DNAJC1: variants seen among roughly 807,000 people sequenced by gnomAD.
DNAJC1 encodes DnaJ heat shock protein family (Hsp40) member C1.
Under a neutral mutation model 76.6 loss-of-function variants are expected in DNAJC1, and 58 were observed. That is an observed-to-expected ratio of 0.76 (90% CI 0.61 to 0.94). DNAJC1 has a LOEUF of 0.94. DNAJC1 is among the 40% of genes least tolerant of loss of function. The pLI is 0.00. For missense variants in DNAJC1, 689 were observed against 677.3 expected, an observed-to-expected ratio of 1.02 and a Z score of -0.19; for synonymous variants, 258 against 267.9, an observed-to-expected ratio of 0.96 and a Z score of 0.36.
At chr10:21,944,995 C>T (rs1837482491) in intron 1 of DNAJC1, among the ~76,000 whole-genome samples, 1 of 152,118 alleles carries the variant, frequency 6.6e-6, no homozygotes, top group African/African-American at 2.4e-5. Flanking sequence ...AGTGGAACTG[C>T]CAGTTAAGCA....
intron 1 of DNAJC1, among the ~76,000 whole-genome samples, chr10:21,969,121 G>C (rs909048711): frequency 1.5e-4 from 22 of 151,622 alleles, no homozygotes; most frequent in Admixed American, 9.9e-4. Context: ...CTACTCAGGA[G>C]GCTGAGGCAG....
intron 1 of DNAJC1, among the ~76,000 whole-genome samples, chr10:21,978,547 A>G (rs937926711): frequency 2.0e-5 from 3 of 152,174 alleles, no homozygotes; most frequent in Non-Finnish European, 4.4e-5. Flanking sequence ...GCAGTCTATC[A>G]GTTGATTACA....
At chr10:21,912,712 C>G (rs955490908) in intron 6 of DNAJC1, among the ~76,000 whole-genome samples, 13 of 152,256 alleles carry the variant, frequency 8.5e-5, no homozygotes, top group African/African-American at 3.1e-4. Flanking sequence ...AGTAGAAGGG[C>G]AGGCGACTCA....
At chr10:21,812,310 G>A (rs1398276491) in intron 8 of DNAJC1, among the ~76,000 whole-genome samples, 1 of 152,034 alleles carries the variant, frequency 6.6e-6, no homozygotes, top group Non-Finnish European at 1.5e-5. Context: ...GCCTGCCTCA[G>A]CCTCCCAAAG....
At chr10:21,833,583 C>A (rs1025037128) in intron 8 of DNAJC1, among the ~76,000 whole-genome samples, 1 of 152,164 alleles carries the variant, frequency 6.6e-6, no homozygotes, top group African/African-American at 2.4e-5. Flanking sequence ...GGAGAATTTA[C>A]CTTGCCTCTC....
chr10:21,876,671 C>A (rs181448608), intron 8 of DNAJC1, among the ~76,000 whole-genome samples: 1 of 152,026 alleles, frequency 6.6e-6, no homozygotes, highest in Non-Finnish European at 1.5e-5. Context: ...TGATTAAGAC[C>A]GTGTGGTAGT....
intron 9 of DNAJC1, among the ~76,000 whole-genome samples, chr10:21,782,656 G>C (rs988643678): frequency 2.0e-5 from 3 of 152,084 alleles, no homozygotes; most frequent in Non-Finnish European, 4.4e-5. Flanking sequence ...TCCTCAACAA[G>C]ATACTGGCAA....
intron 8 of DNAJC1, among the ~76,000 whole-genome samples, chr10:21,840,249 CA>C (rs2131678457): frequency 6.6e-6 from 1 of 152,244 alleles, no homozygotes; most frequent in Non-Finnish European, 1.5e-5. Context: ...AAGCTCTGGC[CA>C]GGGCAATCAG....
intron 8 of DNAJC1, among the ~76,000 whole-genome samples, chr10:21,829,776 A>G (rs543350476): frequency 6.6e-6 from 1 of 152,152 alleles, no homozygotes; most frequent in Non-Finnish European, 1.5e-5. Flanking sequence ...ATTATAGCCT[A>G]TTTTCATTTA....
chr10:21,898,435 T>A (rs1351861507), intron 7 of DNAJC1, among the ~76,000 whole-genome samples: 8 of 152,160 alleles, frequency 5.3e-5, no homozygotes, highest in African/African-American at 1.9e-4. Context: ...GATGCTGGTA[T>A]AAACCCACTG....
intron 1 of DNAJC1, among the ~76,000 whole-genome samples, chr10:21,949,400 AC>A (rs1167589536): frequency 2.5e-5 from 1 of 39,232 alleles, no homozygotes; most frequent in Non-Finnish European, 5.2e-5. Context: ...CCCTCCCCCC[AC>A]CCCCTTCTTC....
chr10:21,891,476 C>CAAAAAAAAAAAAAAAAAAA (rs369729722), intron 7 of DNAJC1, among the ~76,000 whole-genome samples: 16 of 38,846 alleles, frequency 4.1e-4, no homozygotes, highest in Non-Finnish European at 5.1e-4. Flanking sequence ...ACAAAGTAGA[C>CAAAAAAAAAAAAAAAAAAA]AAAAAAAAAA....
At chr10:21,977,274 A>G (rs1427726376) in intron 1 of DNAJC1, among the ~76,000 whole-genome samples, 3 of 152,168 alleles carry the variant, frequency 2.0e-5, no homozygotes, top group Non-Finnish European at 4.4e-5. Flanking sequence ...ACACACACAC[A>G]CAAAATGACT....
rs528710780 is a variant in DNAJC1, at chr10:21,793,669, G to A, written c.1098+12311C>T. On this transcript the variant is annotated intron_variant, in intron 9 of 11. Coordinates refer to ENST00000376980, the MANE Select transcript of DNAJC1 (RefSeq NM_022365.4). The stretch of plus-strand genomic sequence containing the variant: ...GTAATTAAGAAAACAATTCTGGCTG[G>A]GCGCAGTGGCTCACATCTGTAATCC... 3.3e-5 allele frequency among the ~76,000 whole-genome samples: 5 copies of A among 152,308 alleles called. No individual in the cohort carries two copies. The East Asian group carries it at 7.7e-4, about 24-fold the overall frequency.
intron 8 of DNAJC1, 78 bp from the exon 9 acceptor site, chr10:21,806,177 T>C (rs1036989398): frequency 4.7e-5 from 70 of 1,484,610 alleles, no homozygotes; most frequent in Non-Finnish European, 5.9e-5. Context: ...AAAAAGATAA[T>C]TGAGAGATAA....
At chr10:21,992,229 T>C (rs183088064) in intron 1 of DNAJC1, among the ~76,000 whole-genome samples, 3 of 152,326 alleles carry the variant, frequency 2.0e-5, no homozygotes, top group African/African-American at 4.8e-5. Flanking sequence ...GAGAATTGCT[T>C]GAATCCGGGA....
At chr10:21,824,205 C>T (rs1835205507) in intron 8 of DNAJC1, among the ~76,000 whole-genome samples, 1 of 152,164 alleles carries the variant, frequency 6.6e-6, no homozygotes, top group Non-Finnish European at 1.5e-5. Flanking sequence ...ACTTGCTCTT[C>T]TGAAGGAATA....
intron 8 of DNAJC1, among the ~76,000 whole-genome samples, chr10:21,824,402 G>C (rs573476466): frequency 1.3e-5 from 2 of 152,226 alleles, no homozygotes; most frequent in African/African-American, 4.8e-5. Flanking sequence ...ACAAACATGC[G>C]GTGAATAACA....
chr10:21,831,296 T>A (rs1835353405), intron 8 of DNAJC1, among the ~76,000 whole-genome samples: 1 of 152,152 alleles, frequency 6.6e-6, no homozygotes, highest in African/African-American at 2.4e-5. Flanking sequence ...GAGGCTCAGT[T>A]CCAGCTGCCT....
Sources: gnomAD v4.1 joint callset for allele counts (sites outside exome capture counted in the v4.1 genomes callset) on GRCh38, gnomAD v4.1.1 for gene constraint, MANE v1.5 for transcripts, NCBI Gene and HGNC (gene_info 2026-07-23, HGNC 2026-07-21) for gene names.